CCDC174: variants seen among roughly 807,000 people sequenced by gnomAD.
CCDC174 encodes the protein coiled-coil domain containing 174.
CCDC174 carries 37 observed loss-of-function variants against 57.1 expected under a neutral mutation model. The ratio of observed to expected loss-of-function variants is 0.65; its 90% CI spans 0.50 to 0.85. The LOEUF (loss-of-function observed/expected upper bound fraction) is 0.85, where lower values mean the gene tolerates loss of function less well. CCDC174 is among the 40% of genes least tolerant of loss of function. The pLI is 0.00. For synonymous variants in CCDC174, 182 were observed against 190.2 expected (o/e 0.96, Z 0.35); for missense variants, 540 against 574.3 (o/e 0.94, Z 0.61).
At chr3:14,666,483 T>TGTGGTG in intron 6 of CCDC174, among the ~76,000 whole-genome samples, 1 of 151,878 alleles carries the variant, frequency 6.6e-6, no homozygotes, top group South Asian at 2.1e-4. Context: ...ATTAGCCAGA[T>TGTGGTG]GTGGTGGTGG....
intron 5 of CCDC174, among the ~76,000 whole-genome samples, chr3:14,663,054 T>C (rs1461873488): frequency 1.3e-5 from 2 of 152,104 alleles, no homozygotes; most frequent in Admixed American, 6.5e-5. Flanking sequence ...CTTTCTTTTT[T>C]ATTTATTTGT....
At chr3:14,667,962 TC>T (rs1483901492) in intron 8 of CCDC174, 86 bp from the exon 9 acceptor site, 15 of 1,343,510 alleles carry the variant, frequency 1.1e-5, no homozygotes, top group Non-Finnish European at 1.5e-5. Flanking sequence ...AATTAACTAG[TC>T]TATTTTTAGA....
intron 5 of CCDC174, among the ~76,000 whole-genome samples, chr3:14,662,338 G>A (rs12054088): frequency 0.32 from 29,200 of 92,558 alleles, 3,081 homozygotes; most frequent in East Asian, 0.52. Flanking sequence ...ACACCCCCCC[G>A]CCCCCCTTCA....
chr3:14,669,612 A>T (rs2031451423), intron 9 of CCDC174, among the ~76,000 whole-genome samples: 1 of 152,198 alleles, frequency 6.6e-6, no homozygotes, highest in South Asian at 2.1e-4. Context: ...GCAGAGTGGC[A>T]TAGTGAGGGG....
In CCDC174 at chr3:14,666,836, T is replaced by A. The variant is rs750249439; in HGVS notation, c.613T>A (p.Leu205Ile). 87 of 1,589,008 alleles carry A rather than the reference T, an allele frequency of 5.5e-5. No individual in the cohort carries two copies. In the South Asian group the frequency reaches 9.9e-4, roughly 18 times the overall value. The change falls in exon 7 of 11, where the codon TTA (leucine) becomes ATA (isoleucine). Residue 205 changes from leucine to isoleucine, a missense_variant. By Grantham distance (5) the Leu-to-Ile change is conservative. Coordinates refer to ENST00000383794, the MANE Select transcript of CCDC174 (RefSeq NM_016474.5). ...FISPANEKTLLSEDMRKELQR... is the reference protein window; with the variant it reads ...FISPANEKTLISEDMRKELQR... The stretch of plus-strand genomic sequence containing the variant: ...TAGTCCTGCTAATGAAAAAACCCTA[T>A]TATCTGAAGATATGAGAAAAGAACT...
chr3:14,667,195 G>A, intron 7 of CCDC174: 1 of 612,480 alleles, frequency 1.6e-6, no homozygotes, highest in Non-Finnish European at 2.8e-6. Context: ...GCCCATGGCT[G>A]AAAGCAAACG....
In CCDC174 at chr3:14,669,933, G is replaced by C; in HGVS notation, c.953-1G>C. The C allele has an allele frequency of 6.2e-7, 1 of 1,613,666 alleles. No individual in the cohort carries two copies. The highest frequency in any genetic ancestry group is 1.7e-4 in the Middle Eastern group (1 of 6,026). On this transcript the variant is annotated splice_acceptor_variant, in intron 9 of 10. Coordinates refer to ENST00000383794, the MANE Select transcript of CCDC174 (RefSeq NM_016474.5). LOFTEE classifies it high-confidence loss of function. ...GTGTCTTATTCTTTTACAAAAAATA[G>C]ATGGAGATGTTATTGGGCCTTTGCC...
chr3:14,658,434 G>T (rs551394161), intron 3 of CCDC174, among the ~76,000 whole-genome samples: 1 of 152,340 alleles, frequency 6.6e-6, no homozygotes, highest in South Asian at 2.1e-4. Context: ...CCCTCTCATG[G>T]TCTGTACCAC....
chr3:14,654,604 A>G, intron 2 of CCDC174, 74 bp downstream of exon 2: 1 of 726,454 alleles, frequency 1.4e-6, no homozygotes, highest in Non-Finnish European at 2.3e-6. Context: ...GTGTTTTAAA[A>G]TTGTCAGTGG....
At chr3:14,657,134 A>G (rs907914380) in intron 3 of CCDC174, among the ~76,000 whole-genome samples, 1 of 152,218 alleles carries the variant, frequency 6.6e-6, no homozygotes, top group Admixed American at 6.5e-5. Flanking sequence ...TGCTCTGTGT[A>G]TCAAGAGTTT....
At chr3:14,667,268 T>TTTTTTGTTTCTTC (rs2031372365) in intron 7 of CCDC174, 156 bp from the exon 8 acceptor site, 1 of 668,202 alleles carries the variant, frequency 1.5e-6, no homozygotes, top group African/African-American at 1.8e-5. Context: ...TGTGTTTCTT[T>TTTTTTGTTTCTTC]GGTTTTTTGT....
chr3:14,652,091 C>T (rs1486552160), intron 1 of CCDC174, among the ~76,000 whole-genome samples: 1 of 152,166 alleles, frequency 6.6e-6, no homozygotes, highest in East Asian at 1.9e-4. Flanking sequence ...CTCTGACATG[C>T]GCCCGGGCCA....
chr3:14,659,700 T>TA (rs897417780), intron 4 of CCDC174, among the ~76,000 whole-genome samples: 28 of 144,160 alleles, frequency 1.9e-4, no homozygotes, highest in Admixed American at 4.8e-4. Flanking sequence ...ACCCTATCTC[T>TA]AAAAAAAAAA....
chr3:14,659,809 T>G (rs2031071324), intron 4 of CCDC174, among the ~76,000 whole-genome samples: 2 of 152,138 alleles, frequency 1.3e-5, no homozygotes, highest in Non-Finnish European at 2.9e-5. Flanking sequence ...GAATATGTAA[T>G]CAGGGAAGTC....
At chr3:14,665,383 A>G (rs1029698599) in intron 6 of CCDC174, among the ~76,000 whole-genome samples, 12 of 152,364 alleles carry the variant, frequency 7.9e-5, no homozygotes, top group African/African-American at 2.9e-4. Flanking sequence ...ACAGAGTAAC[A>G]GAATAAACCC....
intron 8 of CCDC174, 70 bp downstream of exon 8, chr3:14,667,588 G>A: frequency 9.2e-7 from 1 of 1,082,894 alleles, no homozygotes; most frequent in Non-Finnish European, 1.4e-6. Context: ...CCATACTGCA[G>A]AAAAATCTAG....
intron 6 of CCDC174, 24 bp downstream of exon 6, chr3:14,665,147 C>T (rs755110652): frequency 2.0e-6 from 3 of 1,533,098 alleles, no homozygotes; most frequent in South Asian, 2.2e-5. Context: ...GTATACAGAG[C>T]TCTGCCAAGG....
intron 3 of CCDC174, among the ~76,000 whole-genome samples, chr3:14,656,040 C>T (rs1559379352): frequency 6.6e-6 from 1 of 152,174 alleles, no homozygotes; most frequent in African/African-American, 2.4e-5. Context: ...CATCTTGTCA[C>T]ATGTGCTTTC....
chr3:14,663,192 A>G (rs2031209638), intron 5 of CCDC174, among the ~76,000 whole-genome samples: 1 of 151,980 alleles, frequency 6.6e-6, no homozygotes, highest in South Asian at 2.1e-4. Flanking sequence ...TTTTTTGTAG[A>G]AACAAGGTCT....
Sources: gnomAD v4.1 joint callset for allele counts (sites outside exome capture counted in the v4.1 genomes callset) on GRCh38, gnomAD v4.1.1 for gene constraint, MANE v1.5 for transcripts, NCBI Gene and HGNC (gene_info 2026-07-23, HGNC 2026-07-21) for gene names.